The following TEX30 variants were observed in gnomAD, a reference collection of about 807,000 sequenced individuals.
TEX30 encodes the protein testis expressed 30.
Under a neutral mutation model 23.8 loss-of-function variants are expected in TEX30, and 14 were observed. The observed-to-expected ratio is 0.59, with a 90% CI of 0.39 to 0.92. TEX30 has a LOEUF of 0.92. Among genes scored for constraint, TEX30 ranks in the 40% least tolerant of loss-of-function variants. The pLI is 0.00. For synonymous variants in TEX30, 78 were observed against 90.2 expected (o/e 0.87, Z 0.76); for missense variants, 246 against 270.6 (o/e 0.91, Z 0.64).
At position 102,766,526 on chromosome 13, in the gene TEX30, T is replaced by G; in HGVS notation, c.559A>C (p.Ile187Leu). Reference sequence around the variant, plus strand: ...GCCATGGAATGATTTGCCTTCTCAATCCAGTGGATTTTATGGGGAGCTTGC... The same window carrying G: ...GCCATGGAATGATTTGCCTTCTCAAGCCAGTGGATTTTATGGGGAGCTTGC... ...KMQAPHKIHW[I>L]EKANHSMAVK... The change falls in exon 6 of 6, where the codon ATT (isoleucine) becomes CTT (leucine). Residue 187 changes from isoleucine to leucine, a missense_variant. Ile to Leu is a conservative substitution (Grantham distance 5). Transcript: ENST00000376032. The G allele has an allele frequency of 1.2e-6, 2 of 1,613,954 alleles. No homozygotes were observed. The highest frequency in any genetic ancestry group is 1.7e-6 in the Non-Finnish European group (2 of 1,179,924).
chr13:102,769,982 C>G (rs1244025558), intron 2 of TEX30, 30 bp downstream of exon 2: 1 of 1,424,934 alleles, frequency 7.0e-7, no homozygotes, highest in East Asian at 2.6e-5. Flanking sequence ...ACCAGGAACC[C>G]TGAAGATGCA....
chr13:102,768,371 G>A, intron 3 of TEX30, 60 bp from the exon 4 acceptor site: 1 of 1,211,232 alleles, frequency 8.3e-7, no homozygotes. Context: ...GGAAAGGCAA[G>A]ATATATTGTT....
chr13:102,772,176 G>A (rs1364001202), intron 1 of TEX30, among the ~76,000 whole-genome samples: 4 of 150,750 alleles, frequency 2.7e-5, no homozygotes, highest in African/African-American at 9.8e-5. Flanking sequence ...TTCTCGCTCC[G>A]GCGGACAGGC....
intron 1 of TEX30, among the ~76,000 whole-genome samples, chr13:102,771,108 GCTT>G (rs1170866777): frequency 6.6e-6 from 1 of 152,070 alleles, no homozygotes; most frequent in Non-Finnish European, 1.5e-5. Context: ...AATATTATCT[GCTT>G]CTTACTTATC....
intron 2 of TEX30, 72 bp downstream of exon 2, chr13:102,769,940 T>C: frequency 2.3e-6 from 3 of 1,285,742 alleles, no homozygotes; most frequent in Non-Finnish European, 3.1e-6. Context: ...ATAAAATTAC[T>C]CTGAAGCCAC....
In TEX30 at chr13:102,766,351, CTTCTT is replaced by C. The variant is rs746080138; in HGVS notation, c.*45_*49del. The C allele has an allele frequency of 1.5e-5, 23 of 1,487,106 alleles. No homozygotes were observed. The highest frequency in any genetic ancestry group is 3.9e-4 in the Middle Eastern group (2 of 5,090). The allele number at this position is 1,487,106 out of a possible 1,614,324, so 92.1% of individuals were successfully genotyped here. On this transcript the variant is annotated 3_prime_UTR_variant, in exon 6 of 6. Transcript: ENST00000376032. ...ATCTCACAATGCTGAGAGGCATACT[CTTCTT>C]TATCAAATTAACTGTATGTGTACTC... is the stretch of plus-strand genomic sequence containing the variant.
chr13:102,770,424 T>C (rs1306708323), intron 1 of TEX30, among the ~76,000 whole-genome samples: 3 of 152,176 alleles, frequency 2.0e-5, no homozygotes, highest in Non-Finnish European at 2.9e-5. Flanking sequence ...AAACCAACTA[T>C]CCTAAACTTA....
At chr13:102,771,867 C>G (rs928314705) in intron 1 of TEX30, among the ~76,000 whole-genome samples, 2 of 152,210 alleles carry the variant, frequency 1.3e-5, no homozygotes, top group Non-Finnish European at 2.9e-5. Flanking sequence ...TTACACCCAC[C>G]TTCTGCACCA....
intron 5 of TEX30, 111 bp downstream of exon 5, chr13:102,767,162 T>C: frequency 9.4e-7 from 1 of 1,067,254 alleles, no homozygotes; most frequent in Non-Finnish European, 1.3e-6. Flanking sequence ...AAAACTAGCA[T>C]TAGTCAAATT....
chr13:102,769,231 G>A lies in TEX30; in HGVS notation c.246+80C>T, dbSNP rs1482641519. On this transcript the variant is annotated intron_variant, in intron 3 of 5. Transcript: ENST00000376032. ...AAAGATTTTTTAAATTAAACCAGAT[G>A]ACTAATAAAATTTATCTTACATTTA... 5 of 1,049,504 alleles carry A rather than the reference G, an allele frequency of 4.8e-6. No individual in the cohort carries two copies. The African/African-American group carries it at 5.1e-5, about 11-fold the overall frequency. 65.0% of individuals were successfully genotyped at this position (1,049,504 alleles called of 1,614,324 possible).
chr13:102,767,410 A>G lies in TEX30; in HGVS notation c.367T>C (p.Phe123Leu). The G allele has an allele frequency of 6.2e-7, 1 of 1,614,144 alleles. No homozygotes were observed. The highest frequency in any genetic ancestry group is 8.5e-7 in the Non-Finnish European group (1 of 1,180,002). ...GAAATACAAATGAGACCCCGAACAA[A>G]ATCATCACCATCATCTGGCTCAATG... is the stretch of plus-strand genomic sequence containing the variant. ...CHIEPDDGDD[F>L]VRGLICISYP... is the part of the protein sequence containing the mutation. Residue 123 changes from phenylalanine to leucine, a missense_variant, in exon 5 of 6, where the codon TTT (phenylalanine) becomes CTT (leucine). Physicochemically the swap from Phe to Leu is conservative, Grantham distance 22. Coordinates refer to ENST00000376032, the MANE Select transcript of TEX30 (RefSeq NM_138779.5).
chr13:102,773,760 C>A lies in TEX30; in HGVS notation c.-139G>T, dbSNP rs1432609155. ...AGCTGACTAGCGCGCTCGAAGCGAC[C>A]GCCTCGCCTGCCCCGCCACAGCGTT... On this transcript the variant is annotated 5_prime_UTR_variant, in exon 1 of 6. Coordinates refer to ENST00000376032, the MANE Select transcript of TEX30 (RefSeq NM_138779.5). 6.6e-6 allele frequency: 1 copy of A among 152,122 alleles called. No homozygotes were observed. Among genetic ancestry groups the A allele is most frequent in the Non-Finnish European group, 1.5e-5 (1 of 68,008 alleles). The allele number at this position is 152,122 out of a possible 1,614,324, so 9.4% of individuals were successfully genotyped here.
At chr13:102,766,819 TA>T (rs1350477388) in intron 5 of TEX30, among the ~76,000 whole-genome samples, 7 of 152,164 alleles carry the variant, frequency 4.6e-5, no homozygotes, top group Non-Finnish European at 1.0e-4. Context: ...TAAATTGGAA[TA>T]AAAAAATTTC....
chr13:102,766,763 C>T (rs1173039782), intron 5 of TEX30, among the ~76,000 whole-genome samples, 183 bp from the exon 6 acceptor site: 2 of 152,184 alleles, frequency 1.3e-5, no homozygotes, highest in African/African-American at 4.8e-5. Context: ...CTTCTCTCAG[C>T]TGTAGCAGTA....
chr13:102,768,021 T>G (rs541359345), intron 4 of TEX30, among the ~76,000 whole-genome samples: 1 of 152,180 alleles, frequency 6.6e-6, no homozygotes, highest in Non-Finnish European at 1.5e-5. Context: ...AATCATCATA[T>G]GCAGGATGAT....
At chr13:102,768,636 T>C (rs1877080656) in intron 3 of TEX30, among the ~76,000 whole-genome samples, 1 of 152,246 alleles carries the variant, frequency 6.6e-6, no homozygotes, top group South Asian at 2.1e-4. Flanking sequence ...ATACCAAATT[T>C]GATAATGTTA....
chr13:102,772,813 C>G (rs1363812547), intron 1 of TEX30, among the ~76,000 whole-genome samples: 2 of 152,196 alleles, frequency 1.3e-5, no homozygotes, highest in Non-Finnish European at 2.9e-5. Context: ...GTGATCCACC[C>G]GCCTCGGCCT....
chr13:102,768,159 T>C (rs1049461700), intron 4 of TEX30, 101 bp downstream of exon 4: 4 of 1,036,776 alleles, frequency 3.9e-6, no homozygotes, highest in Admixed American at 2.6e-5. Flanking sequence ...ACAAAAAAAA[T>C]CCTTAAATTA....
In TEX30 at chr13:102,773,751, C is replaced by G. The variant is rs1207170085; in HGVS notation, c.-130G>C. 6.6e-6 allele frequency: 1 copy of G among 152,088 alleles called. No individual in the cohort carries two copies. Among genetic ancestry groups the G allele is most frequent in the South Asian group, 2.1e-4 (1 of 4,832 alleles). 9.4% of individuals were successfully genotyped at this position (152,088 alleles called of 1,614,324 possible). On this transcript the variant is annotated 5_prime_UTR_variant, in exon 1 of 6. Coordinates refer to ENST00000376032, the MANE Select transcript of TEX30 (RefSeq NM_138779.5). ...CCTTCAGGGAGCTGACTAGCGCGCT[C>G]GAAGCGACCGCCTCGCCTGCCCCGC...
Sources: allele counts gnomAD v4.1 joint callset (sites outside exome capture counted in the v4.1 genomes callset), GRCh38; gene constraint gnomAD v4.1.1; transcripts MANE v1.5; gene names NCBI Gene and HGNC (gene_info 2026-07-23, HGNC 2026-07-21).